The following CCBE1 variants were observed in gnomAD, a reference collection of about 807,000 sequenced individuals.
CCBE1 encodes the protein collagen and calcium-binding EGF domain-containing protein 1.
In CCBE1, 37 loss-of-function variants were observed where a neutral mutation model predicts 50.0. The ratio of observed to expected loss-of-function variants is 0.74; its 90% CI spans 0.57 to 0.97. The LOEUF is 0.97. CCBE1 is among the 50% of genes least tolerant of loss of function. The probability of loss-of-function intolerance (pLI) is 0.00; values close to 1 mark genes in which losing one functional copy is unlikely to be tolerated. For missense variants in CCBE1, 538 were observed against 523.8 expected (o/e 1.03, Z -0.26); for synonymous variants, 234 against 203.7 (o/e 1.15, Z -1.27).
At chr18:59,540,573 G>A (rs773513323) in intron 2 of CCBE1, among the ~76,000 whole-genome samples, 1 of 152,094 alleles carries the variant, frequency 6.6e-6, no homozygotes, top group Non-Finnish European at 1.5e-5. Context: ...AAACTGCAGT[G>A]GTTTAGTCCT....
rs190431232 is a variant in CCBE1 at position 59,526,167 on chromosome 18, A to G, written c.213-45929T>C. On this transcript the variant is annotated intron_variant, in intron 2 of 10. Coordinates refer to ENST00000439986, the MANE Select transcript of CCBE1 (RefSeq NM_133459.4). ...GGAATAGCATTGAATTTATAAATTG[A>G]TTTTTTGAAGGGTTTTTCGTGTATC... Among the ~76,000 whole-genome samples, 5 of 152,152 alleles carry G rather than the reference A, an allele frequency of 3.3e-5. No individual in the cohort carries two copies. In the East Asian group the frequency reaches 9.6e-4, roughly 29 times the overall value.
At chr18:59,500,027 C>T (rs982232000) in intron 2 of CCBE1, among the ~76,000 whole-genome samples, 2 of 152,192 alleles carry the variant, frequency 1.3e-5, no homozygotes, top group African/African-American at 4.8e-5. Flanking sequence ...TTCTGGAAGA[C>T]CCAGTTCCAC....
At chr18:59,625,601 G>A (rs1244219379) in intron 2 of CCBE1, among the ~76,000 whole-genome samples, 2 of 152,108 alleles carry the variant, frequency 1.3e-5, no homozygotes, top group South Asian at 2.1e-4. Flanking sequence ...TCTGAAAAGG[G>A]GAACCACCTT....
chr18:59,663,246 G>A (rs1255102273), intron 2 of CCBE1, among the ~76,000 whole-genome samples: 1 of 152,156 alleles, frequency 6.6e-6, no homozygotes, highest in Non-Finnish European at 1.5e-5. Flanking sequence ...GAGGTAACTA[G>A]TGGTTTTTCT....
intron 2 of CCBE1, among the ~76,000 whole-genome samples, chr18:59,614,263 G>T (rs1473310677): frequency 2.0e-5 from 3 of 152,162 alleles, no homozygotes; most frequent in African/African-American, 7.2e-5. Context: ...GTCTCCCAAA[G>T]TGCTGGGATT....
intron 2 of CCBE1, among the ~76,000 whole-genome samples, chr18:59,692,508 T>C (rs1267250281): frequency 1.3e-5 from 2 of 152,194 alleles, no homozygotes; most frequent in Admixed American, 1.3e-4. Context: ...GGGAACTTGG[T>C]GACTTGCCAG....
Position 59,500,821 on chromosome 18 carries a change from C to T in CCBE1, c.213-20583G>A, listed in dbSNP as rs373730072. ...GCCCTTCTTCCAAAGACTGTTCCTA[C>T]TGCTGTTGGATCCCTCCTCCCTGTA... On this transcript the variant is annotated intron_variant, in intron 2 of 10. Coordinates refer to ENST00000439986, the MANE Select transcript of CCBE1 (RefSeq NM_133459.4). Among the ~76,000 whole-genome samples, 5 of 152,194 alleles carry T rather than the reference C, an allele frequency of 3.3e-5. No individual in the cohort carries two copies. In the South Asian group the frequency reaches 1.0e-3, roughly 31 times the overall value.
rs924605253 is a variant in CCBE1 at position 59,499,226 on chromosome 18, AGAG to A, written c.213-18991_213-18989del. Among the ~76,000 whole-genome samples the A allele has an allele frequency of 2.0e-3, 303 of 152,318 alleles. 2 individuals carry two copies. Among genetic ancestry groups the A allele is most frequent in the African/African-American group, 6.8e-3 (284 of 41,572 alleles). ...CTGTAAAAAGGATGGCATTCAACTA[AGAG>A]GAGCAACATTTTGATGGAATTTCAG... On this transcript the variant is annotated intron_variant, in intron 2 of 10. Coordinates refer to ENST00000439986, the MANE Select transcript of CCBE1 (RefSeq NM_133459.4).
intron 2 of CCBE1, among the ~76,000 whole-genome samples, chr18:59,619,218 T>C (rs1337967434): frequency 6.6e-6 from 1 of 152,260 alleles, no homozygotes; most frequent in Non-Finnish European, 1.5e-5. Context: ...GTTTTATTTT[T>C]CCATCTCTAA....
chr18:59,547,062 G>A lies in CCBE1; in HGVS notation c.213-66824C>T, dbSNP rs8084871. Among the ~76,000 whole-genome samples, 103 of 105,618 alleles carry A rather than the reference G, an allele frequency of 9.8e-4. 2 individuals carry two copies. The highest frequency in any genetic ancestry group is 3.5e-3 in the African/African-American group (87 of 24,890). 69.3% of individuals were successfully genotyped at this position (105,618 alleles called of 152,430 possible). ...GAGAGGGGGAGAGAGGGGGAGAGAG[G>A]GGGAGAGAGGGGGAGAGAAAGGGAG... On this transcript the variant is annotated intron_variant, in intron 2 of 10. Coordinates refer to ENST00000439986, the MANE Select transcript of CCBE1 (RefSeq NM_133459.4).
chr18:59,438,096 CAG>C lies in CCBE1; in HGVS notation c.987+13_987+14del, dbSNP rs1471558035. On this transcript the variant is annotated intron_variant, in intron 10 of 10. Coordinates refer to ENST00000439986, the MANE Select transcript of CCBE1 (RefSeq NM_133459.4). ...AACGTTCCCCTGGGGAAGCAGGACA[CAG>C]AGTGCTACTTACTGGAGACCCTCTG... The C allele has an allele frequency of 5.6e-6, 9 of 1,613,918 alleles. No individual in the cohort carries two copies. Among genetic ancestry groups the C allele is most frequent in the African/African-American group, 1.3e-5 (1 of 74,904 alleles).
chr18:59,555,472 T>G (rs1354631135), intron 2 of CCBE1, among the ~76,000 whole-genome samples: 1 of 152,192 alleles, frequency 6.6e-6, no homozygotes, highest in African/African-American at 2.4e-5. Context: ...GGAATTTGGT[T>G]GTGTTAGAGC....
intron 2 of CCBE1, among the ~76,000 whole-genome samples, chr18:59,597,431 CT>C (rs1416953336): frequency 1.3e-5 from 2 of 152,198 alleles, no homozygotes; most frequent in African/African-American, 4.8e-5. Flanking sequence ...ATACCTACAG[CT>C]TCCTATTTAA....
chr18:59,505,668 A>C (rs931836327), intron 2 of CCBE1, among the ~76,000 whole-genome samples: 4 of 152,254 alleles, frequency 2.6e-5, no homozygotes, highest in African/African-American at 9.6e-5. Context: ...ATTGGAACAA[A>C]ATAGTCATTT....
intron 2 of CCBE1, among the ~76,000 whole-genome samples, chr18:59,569,985 A>T (rs3097388): frequency 0.088 from 13,383 of 152,232 alleles, 622 homozygotes; most frequent in East Asian, 0.13. Context: ...AGATTCTACA[A>T]CTTCTTTCTC....
chr18:59,665,355 G>A (rs1599116346), intron 2 of CCBE1, among the ~76,000 whole-genome samples: 1 of 152,180 alleles, frequency 6.6e-6, no homozygotes, highest in South Asian at 2.1e-4. Context: ...AAGGCCTCCA[G>A]TGATTAACAG....
intron 2 of CCBE1, among the ~76,000 whole-genome samples, chr18:59,580,317 T>C (rs1378315389): frequency 2.0e-5 from 3 of 152,222 alleles, no homozygotes; most frequent in Non-Finnish European, 1.5e-5. Flanking sequence ...CTGCTTCAAG[T>C]TGTCCCGCTT....
chr18:59,625,061 T>C (rs2053761562), intron 2 of CCBE1, among the ~76,000 whole-genome samples: 1 of 152,170 alleles, frequency 6.6e-6, no homozygotes, highest in African/African-American at 2.4e-5. Context: ...GCTACCAAGT[T>C]TGACCACCAT....
chr18:59,610,888 A>G (rs1417843077), intron 2 of CCBE1, among the ~76,000 whole-genome samples: 1 of 152,268 alleles, frequency 6.6e-6, no homozygotes, highest in Non-Finnish European at 1.5e-5. Flanking sequence ...GCCAACAGCA[A>G]AAGGGCAAGG....
Sources: gnomAD v4.1 joint callset for allele counts (sites outside exome capture counted in the v4.1 genomes callset) on GRCh38, gnomAD v4.1.1 for gene constraint, MANE v1.5 for transcripts, NCBI Gene and HGNC (gene_info 2026-07-23, HGNC 2026-07-21) for gene names.